Variants in BAD observed in about 807,000 individuals in gnomAD.
BAD encodes BCL2 associated agonist of cell death, also known as bcl2-associated agonist of cell death.
A neutral mutation model predicts 17.8 loss-of-function variants in BAD; 18 were observed. The ratio of observed to expected loss-of-function variants is 1.01; its 90% CI spans 0.70 to 1.50. The LOEUF (loss-of-function observed/expected upper bound fraction) is 1.50. BAD is among the 40% of genes most tolerant of loss of function. The pLI, the probability that BAD is intolerant of heterozygous loss-of-function variation, is 0.00. For missense variants in BAD, 294 were observed against 239.3 expected (o/e 1.23, Z -1.51); for synonymous variants, 112 against 91.5 (o/e 1.22, Z -1.28).
chr11:64,270,666 G>A (rs1007499327), intron 3 of BAD: 23 of 576,256 alleles, frequency 4.0e-5, no homozygotes, highest in African/African-American at 3.5e-4. Context: ...GCGATGGTGA[G>A]CGCCTGTAAT....
At chr11:64,281,061 G>A (rs564605879) in intron 2 of BAD, among the ~76,000 whole-genome samples, 11 of 151,798 alleles carry the variant, frequency 7.2e-5, no homozygotes, top group African/African-American at 2.7e-4. Context: ...TCCGCCTCCC[G>A]GGCTCACGCC....
rs3729933 is a variant in BAD at position 64,271,672 on chromosome 11, C to T, written c.319G>A (p.Ala107Thr). Reference sequence around the variant, plus strand: ...CGGAGCTCGCGGCCATAGCGCTGTGCTGCCCAGAGGTTGGGGGGCGCCGAG... The same window carrying T: ...CGGAGCTCGCGGCCATAGCGCTGTGTTGCCCAGAGGTTGGGGGGCGCCGAG... ...SRSAPPNLWA[A>T]QRYGRELRRM... Residue 107 changes from alanine (A) to threonine (T), a missense_variant, in exon 3 of 4, where the codon GCA becomes ACA. By Grantham distance (58) the Ala-to-Thr change is moderately conservative. Coordinates refer to ENST00000309032, the MANE Select transcript of BAD (RefSeq NM_032989.3). The T allele has an allele frequency of 2.0e-6, 3 of 1,506,372 alleles. No homozygotes were observed. The highest frequency in any genetic ancestry group is 2.7e-6 in the Non-Finnish European group (3 of 1,126,608). The allele number at this position is 1,506,372 out of a possible 1,614,324, so 93.3% of individuals were successfully genotyped here. A position where few individuals can be genotyped will look rare whatever the true frequency, so the allele number is the denominator to read the frequency against.
intron 2 of BAD, among the ~76,000 whole-genome samples, chr11:64,275,351 C>T (rs985315343): frequency 2.6e-5 from 4 of 152,146 alleles, no homozygotes; most frequent in Non-Finnish European, 4.4e-5. Context: ...TTCTGTGGTG[C>T]GGTGACTGTG....
intron 2 of BAD, 170 bp from the exon 3 acceptor site, chr11:64,271,973 G>A: frequency 2.2e-6 from 1 of 448,962 alleles, no homozygotes; most frequent in Non-Finnish European, 3.7e-6. Flanking sequence ...TCGAGGGGAA[G>A]CTCAGGGGCC....
intron 2 of BAD, among the ~76,000 whole-genome samples, chr11:64,278,446 C>T (rs548589357): frequency 6.6e-5 from 10 of 150,992 alleles, no homozygotes; most frequent in Middle Eastern, 3.5e-3. Flanking sequence ...TAATAAGAGC[C>T]GCAAACACTT....
chr11:64,273,130 A>G (rs1478516130), intron 2 of BAD, among the ~76,000 whole-genome samples: 1 of 152,218 alleles, frequency 6.6e-6, no homozygotes, highest in Non-Finnish European at 1.5e-5. Flanking sequence ...GCACTTTGGG[A>G]GGCCAAGGCA....
intron 2 of BAD, among the ~76,000 whole-genome samples, chr11:64,274,566 T>A (rs2032905514): frequency 6.6e-6 from 1 of 152,040 alleles, no homozygotes; most frequent in Non-Finnish European, 1.5e-5. Flanking sequence ...CTCACGCCTG[T>A]AATCCCAGCA....
In BAD at chr11:64,278,783, C is replaced by A. The variant is rs188864263; in HGVS notation, c.187+5399G>T. Among the ~76,000 whole-genome samples, 8 of 152,338 alleles carry A rather than the reference C, an allele frequency of 5.3e-5. 1 individual carries two copies. Among genetic ancestry groups the A allele is most frequent in the African/African-American group, 1.9e-4 (8 of 41,566 alleles). ...CCTGCCCTGGGGACACCTCAGCCAT[C>A]CAGCAGGGGGGCCTGGTGGCAGGGA... On this transcript the variant is annotated intron_variant, in intron 2 of 3. Transcript: ENST00000309032.
chr11:64,284,699 C>T, upstream of BAD: 3 of 1,535,124 alleles, frequency 2.0e-6, no homozygotes, highest in Non-Finnish European at 2.6e-6. Context: ...GCTCCGGGCC[C>T]TAGTTGCTTG....
intron 2 of BAD, 84 bp from the exon 3 acceptor site, chr11:64,271,887 T>C: frequency 8.6e-7 from 1 of 1,156,342 alleles, no homozygotes. Flanking sequence ...CCCCATCAGC[T>C]CTGCAGGCCC....
chr11:64,278,374 TTA>T (rs1386255346), intron 2 of BAD, among the ~76,000 whole-genome samples: 1 of 147,624 alleles, frequency 6.8e-6, no homozygotes, highest in Non-Finnish European at 1.5e-5. Flanking sequence ...GAAAAAAAAA[TTA>T]TATATATATA....
intron 2 of BAD, among the ~76,000 whole-genome samples, chr11:64,280,586 C>T (rs1351859285): frequency 6.6e-6 from 1 of 150,806 alleles, no homozygotes; most frequent in Admixed American, 6.6e-5. Flanking sequence ...CTCCTGACCT[C>T]GTGATCCGCC....
At chr11:64,276,080 T>C (rs1280238169) in intron 2 of BAD, among the ~76,000 whole-genome samples, 1 of 152,136 alleles carries the variant, frequency 6.6e-6, no homozygotes, top group Non-Finnish European at 1.5e-5. Flanking sequence ...CAGCTGTACC[T>C]TGGGCTGCCT....
Position 64,270,107 on chromosome 11 carries a change from A to T in BAD, c.*102T>A. 1.3e-6 allele frequency: 2 copies of T among 1,564,940 alleles called. No individual in the cohort carries two copies. The highest frequency in any genetic ancestry group is 1.7e-6 in the Non-Finnish European group (2 of 1,145,984). On this transcript the variant is annotated 3_prime_UTR_variant, in exon 4 of 4. Transcript: ENST00000309032. ...CCTCCCTCCAAAGGAGACAGCACGGATCCTCTTTTTGCATAGGCCTGAGGG... is the reference window on the plus strand; with the variant it reads ...CCTCCCTCCAAAGGAGACAGCACGGTTCCTCTTTTTGCATAGGCCTGAGGG...
In BAD at chr11:64,270,298, G is replaced by T; in HGVS notation, c.418C>A (p.Gln140Lys). 6.3e-7 allele frequency: 1 copy of T among 1,579,394 alleles called. No individual in the cohort carries two copies. Among genetic ancestry groups the T allele is most frequent in the Non-Finnish European group, 8.6e-7 (1 of 1,156,920 alleles). The change falls in exon 4 of 4, where the codon CAG becomes AAG. Residue 140 changes from glutamine (Q) to lysine (K), a missense_variant. By Grantham distance (53) the Gln-to-Lys change is moderately conservative. Coordinates refer to ENST00000309032, the MANE Select transcript of BAD (RefSeq NM_032989.3). ...PRPKSAGTAT[Q>K]MRQSSSWTRV... ...GTCCAGCTGGAGCTTTGCCGCATCT[G>T]CGTTGCTGTGCCCGCGCTCTTCGGG...
intron 2 of BAD, among the ~76,000 whole-genome samples, chr11:64,281,801 A>ACCTCCG (rs2033493456): frequency 6.6e-6 from 1 of 151,916 alleles, no homozygotes; most frequent in Non-Finnish European, 1.5e-5. Flanking sequence ...GCTCACTGCA[A>ACCTCCG]CCTCCGCCTC....
chr11:64,272,000 G>C (rs1286906308), intron 2 of BAD, 197 bp from the exon 3 acceptor site: 1 of 415,750 alleles, frequency 2.4e-6, no homozygotes, highest in Non-Finnish European at 4.1e-6. Context: ...GAAGATTTAG[G>C]TTAACTTCTC....
chr11:64,277,602 T>A (rs1247169050), intron 2 of BAD, among the ~76,000 whole-genome samples: 1 of 152,094 alleles, frequency 6.6e-6, no homozygotes, highest in Non-Finnish European at 1.5e-5. Context: ...CCCGGCTAAT[T>A]TTTTAATTTA....
At position 64,269,970 on chromosome 11, in the gene BAD, G is replaced by C. The variant is rs961938960; in HGVS notation, c.*239C>G. 2 of 775,078 alleles carry C rather than the reference G, an allele frequency of 2.6e-6. No homozygotes were observed. The highest frequency in any genetic ancestry group is 2.2e-5 in the Admixed American group (1 of 45,982). The allele number at this position is 775,078 out of a possible 1,614,324, so 48.0% of individuals were successfully genotyped here. On this transcript the variant is annotated 3_prime_UTR_variant, in exon 4 of 4. Coordinates refer to ENST00000309032, the MANE Select transcript of BAD (RefSeq NM_032989.3). ...GCGCCTGGGGGAAAGCCCGGAGCCT[G>C]AGGGCGGGGCCACGGAGCCACTTCC...
Sources: allele counts gnomAD v4.1 joint callset (sites outside exome capture counted in the v4.1 genomes callset), GRCh38; gene constraint gnomAD v4.1.1; transcripts MANE v1.5; gene names NCBI Gene and HGNC (gene_info 2026-07-23, HGNC 2026-07-21).